LIPE: variants seen among roughly 807,000 people sequenced by gnomAD.
The protein encoded by LIPE is lipase E, hormone sensitive type, also known as hormone-sensitive lipase.
Under a neutral mutation model 88.5 loss-of-function variants are expected in LIPE, and 66 were observed. The ratio of observed to expected loss-of-function variants is 0.75; its 90% CI spans 0.61 to 0.91. The LOEUF (loss-of-function observed/expected upper bound fraction) is 0.91, where lower values mean the gene tolerates loss of function less well. Among genes scored for constraint, LIPE ranks in the 40% least tolerant of loss-of-function variants. The pLI is 0.00. For missense variants in LIPE, 1,346 were observed against 1,434.7 expected (o/e 0.94, Z 1.00); for synonymous variants, 570 against 617.5 (o/e 0.92, Z 1.14).
At chr19:42,423,508 G>A (rs2040642791) in intron 1 of LIPE, 5 of 1,276,096 alleles carry the variant, frequency 3.9e-6, no homozygotes, top group Non-Finnish European at 5.1e-6. Context: ...AGCGGCCTCG[G>A]CGGGCTCCGT....
chr19:42,403,314 T>C (rs2040058328), intron 8 of LIPE, among the ~76,000 whole-genome samples: 1 of 150,582 alleles, frequency 6.6e-6, no homozygotes, highest in African/African-American at 2.4e-5. Context: ...TTAGGTGCAG[T>C]TTACCTCTAG....
chr19:42,412,783 A>G (rs2040410369), intron 1 of LIPE, among the ~76,000 whole-genome samples: 1 of 152,142 alleles, frequency 6.6e-6, no homozygotes, highest in South Asian at 2.1e-4. Context: ...GAGAGGACTC[A>G]GGGAGCCAAA....
At position 42,408,302 on chromosome 19, in the gene LIPE, T is replaced by C. The variant is rs2040256002; in HGVS notation, c.1440A>G (p.Pro480=). The C allele has an allele frequency of 6.2e-7, 1 of 1,613,918 alleles. No homozygotes were observed. The highest frequency in any genetic ancestry group is 8.5e-7 in the Non-Finnish European group (1 of 1,179,988). The part of the protein sequence containing the change: ...LGFQFTPAIR[P]FLQTISIGLV... The stretch of plus-strand genomic sequence containing the variant: ...GCCCAATGGAGATGGTCTGCAGGAA[T>C]GGCCGGATGGCAGGCGTGAACTGTG... The change falls in exon 3 of 10, where the codon CCA becomes CCG. Residue 480 remains proline, a synonymous_variant. Transcript: ENST00000244289. This position sits in a 1 kb window ranked among gnomAD's most constrained non-coding sequence, Gnocchi z 4.3.
intron 1 of LIPE, among the ~76,000 whole-genome samples, chr19:42,415,244 T>A (rs2040464034): frequency 6.6e-6 from 1 of 151,762 alleles, no homozygotes; most frequent in Admixed American, 6.6e-5. Flanking sequence ...ATAAATGAAA[T>A]GAGATGAAAA....
intron 1 of LIPE, among the ~76,000 whole-genome samples, chr19:42,416,795 T>C (rs903992530): frequency 7.9e-5 from 12 of 152,306 alleles, no homozygotes; most frequent in African/African-American, 2.2e-4. Context: ...TCAATGACAA[T>C]GCATGTGGTT....
chr19:42,415,582 G>A (rs34381435), intron 1 of LIPE, among the ~76,000 whole-genome samples: 6,304 of 151,860 alleles, frequency 0.042, 406 homozygotes, highest in African/African-American at 0.14. Flanking sequence ...AGGCCGAGGC[G>A]GGCGGATCAC....
chr19:42,412,900 G>A (rs2147638812), intron 1 of LIPE, among the ~76,000 whole-genome samples: 1 of 152,296 alleles, frequency 6.6e-6, no homozygotes, highest in East Asian at 1.9e-4. Flanking sequence ...CTCCTGGAAG[G>A]ACAAAAGCCG....
At position 42,414,955 on chromosome 19, in the gene LIPE, G is replaced by A. The variant is rs549155007; in HGVS notation, c.884-4113C>T. On this transcript the variant is annotated intron_variant, in intron 1 of 9. Transcript: ENST00000244289. The surrounding 1 kb of genome is among the most constrained non-coding windows in gnomAD (Gnocchi z 4.6). ...CCTAAGACATACAATATTGAGGCCG[G>A]GCACGGTGGCTAATGCCTGTAATCC... Among the ~76,000 whole-genome samples the A allele has an allele frequency of 6.6e-6, 1 of 152,306 alleles. No individual in the cohort carries two copies. Among genetic ancestry groups the A allele is most frequent in the African/African-American group, 2.4e-5 (1 of 41,566 alleles).
At position 42,407,853 on chromosome 19, in the gene LIPE, C is replaced by G. The variant is rs1299940795; in HGVS notation, c.1657-62G>C. On this transcript the variant is annotated intron_variant, in intron 4 of 9. Coordinates refer to ENST00000244289, the MANE Select transcript of LIPE (RefSeq NM_005357.4). This position sits in a 1 kb window ranked among gnomAD's most constrained non-coding sequence, Gnocchi z 5.8. ...CTGCCTGCAGGGGTGCCCTTCACCT[C>G]TCCCTCTGATCCCCAGTCTTTCCCC... The G allele has an allele frequency of 6.4e-7, 1 of 1,550,484 alleles. No homozygotes were observed. The highest frequency in any genetic ancestry group is 1.4e-5 in the African/African-American group (1 of 73,326).
At chr19:42,403,137 G>T in intron 8 of LIPE, 106 bp from the exon 9 acceptor site, 2 of 1,165,448 alleles carry the variant, frequency 1.7e-6, no homozygotes, top group Non-Finnish European at 2.4e-6. Context: ...GCTGTGAAAG[G>T]CTGTGTTTCC....
rs1406353101 is a variant in LIPE at position 42,401,886 on chromosome 19, G to C, written c.3157C>G (p.Pro1053Ala). 6.5e-7 allele frequency: 1 copy of C among 1,540,520 alleles called. No homozygotes were observed. Residue 1053 changes from proline (P) to alanine (A), a missense_variant, in exon 10 of 10, where the codon CCT becomes GCT. By Grantham distance (27) the Pro-to-Ala change is conservative. Transcript: ENST00000244289. ...CCGCTCGGCCCGGCTCCGGCGGGAG[G>C]AGTGAGGACGAGGCGGATGCGCTCC... Reference protein sequence around the residue: ...CVERIRLVLTPPAGAGPSGET... With the variant: ...CVERIRLVLTAPAGAGPSGET...
intron 8 of LIPE, 50 bp downstream of exon 8, chr19:42,405,335 G>C (rs768162955): frequency 6.3e-6 from 10 of 1,583,384 alleles, no homozygotes; most frequent in Non-Finnish European, 8.6e-6. Flanking sequence ...GTGCTAGGCT[G>C]TCCCTCCTGC....
In LIPE at chr19:42,427,012, A is replaced by G. The variant is rs1348586837; in HGVS notation, c.138T>C (p.Asn46=). 5.6e-6 allele frequency: 9 copies of G among 1,613,030 alleles called. No homozygotes were observed. Among genetic ancestry groups the G allele is most frequent in the Non-Finnish European group, 7.6e-6 (9 of 1,179,848 alleles). The change falls in exon 1 of 10, where the codon AAT becomes AAC. Residue 46 remains asparagine, a synonymous_variant. Coordinates refer to ENST00000244289, the MANE Select transcript of LIPE (RefSeq NM_005357.4). ...GGTTTGAAGCAGGCTTCTGTTGGGT[A>G]TTGGATCCCTGCAGAGTCTTCGATT... ...QPESKTLQGS[N]TQQKPASNQR...
In LIPE at chr19:42,402,745, C is replaced by T. The variant is rs144192422; in HGVS notation, c.2829G>A (p.Glu943=). ...RGLGVRAAFP[E]GFHPRRSSQG... ...GGCTGGAGCGTCGGGGGTGGAAACC[C>T]TCGGGGAAGGCGGCACGGACGCCCA... Residue 943 remains glutamate, a synonymous_variant, in exon 9 of 10, where the codon GAG becomes GAA. Transcript: ENST00000244289. The T allele has an allele frequency of 6.4e-7, 1 of 1,573,582 alleles. No individual in the cohort carries two copies. Among genetic ancestry groups the T allele is most frequent in the Non-Finnish European group, 8.7e-7 (1 of 1,154,106 alleles).
In LIPE at chr19:42,408,327, G is replaced by A. The variant is rs1488407787; in HGVS notation, c.1420-5C>T. On this transcript the variant is annotated splice_region_variant and splice_polypyrimidine_tract_variant and intron_variant, in intron 2 of 9. Coordinates refer to ENST00000244289, the MANE Select transcript of LIPE (RefSeq NM_005357.4). This position sits in a 1 kb window ranked among gnomAD's most constrained non-coding sequence, Gnocchi z 4.3. The stretch of plus-strand genomic sequence containing the variant: ...TGGCCGGATGGCAGGCGTGAACTGT[G>A]GAGAGACGCGGCTGCGTCACCCACC... 4.3e-6 allele frequency: 7 copies of A among 1,613,076 alleles called. No homozygotes were observed. The South Asian group carries it at 7.7e-5, about 18-fold the overall frequency.
intron 1 of LIPE, among the ~76,000 whole-genome samples, chr19:42,422,593 T>C (rs1010027604): frequency 3.9e-5 from 6 of 152,164 alleles, no homozygotes; most frequent in African/African-American, 1.4e-4. Flanking sequence ...GTTAGTTTCC[T>C]TCCTGCATGG....
intron 1 of LIPE, chr19:42,412,184 T>C (rs1203570745): frequency 8.3e-6 from 6 of 724,100 alleles, no homozygotes; most frequent in Non-Finnish European, 8.5e-6. Context: ...GTTTCTTGGA[T>C]GCCCTGTCAC....
intron 7 of LIPE, 107 bp from the exon 8 acceptor site, chr19:42,405,668 C>T (rs774457395): frequency 8.7e-6 from 10 of 1,150,126 alleles, no homozygotes; most frequent in Admixed American, 4.5e-5. Flanking sequence ...AATATCCAAT[C>T]GCTTCAAAAG....
At chr19:42,417,410 C>T (rs895658504) in intron 1 of LIPE, among the ~76,000 whole-genome samples, 2 of 151,894 alleles carry the variant, frequency 1.3e-5, no homozygotes, top group African/African-American at 4.9e-5. Context: ...CAGATGGGCA[C>T]CACTATGCCT....
Sources: gnomAD v4.1 joint callset for allele counts (sites outside exome capture counted in the v4.1 genomes callset) on GRCh38, gnomAD v4.1.1 for gene constraint, Gnocchi (gnomAD v3.1) non-coding constraint, MANE v1.5 for transcripts, NCBI Gene and HGNC (gene_info 2026-07-23, HGNC 2026-07-21) for gene names.